The following ADAM23 variants were observed in gnomAD, a reference collection of about 807,000 sequenced individuals.
ADAM23 encodes the protein disintegrin and metalloproteinase domain-containing protein 23.
In ADAM23, 33 loss-of-function variants were observed where a neutral mutation model predicts 120.1. The ratio of observed to expected loss-of-function variants is 0.27; its 90% CI spans 0.21 to 0.37. The LOEUF (loss-of-function observed/expected upper bound fraction) is 0.37, where lower values mean the gene tolerates loss of function less well. Ranked by LOEUF, ADAM23 falls within the 10% of genes least tolerant of loss-of-function variation. ADAM23 has a pLI of 1.00. For missense variants in ADAM23, 862 were observed against 1,058.2 expected (o/e 0.81, Z 2.57); for synonymous variants, 367 against 375.2 (o/e 0.98, Z 0.25).
rs1698488619 is a variant in ADAM23, at chr2:206,594,739, G to A, written c.2081G>A (p.Gly694Asp). ...TATGGGTATCTTTCTTGTTTTAGTG[G>A]TGCCCATGTAGTTTTAGATGATGAT... The part of the protein sequence containing the change: ...YHQGRVIDCS[G>D]AHVVLDDDTD... The change falls in exon 23 of 26, where the codon GGT (glycine) becomes GAT (aspartate). Residue 694 changes from glycine to aspartate, a missense_variant and splice_region_variant. Transcript: ENST00000264377. The A allele has an allele frequency of 6.2e-7, 1 of 1,613,888 alleles. No homozygotes were observed. Among genetic ancestry groups the A allele is most frequent in the Non-Finnish European group, 8.5e-7 (1 of 1,179,920 alleles).
intron 2 of ADAM23, among the ~76,000 whole-genome samples, chr2:206,463,981 A>C (rs558773840): frequency 2.6e-5 from 4 of 152,370 alleles, no homozygotes; most frequent in East Asian, 3.9e-4. Context: ...TGGGAGAAAG[A>C]AAGCAATATT....
At chr2:206,513,782 G>A (rs1157699316) in intron 3 of ADAM23, among the ~76,000 whole-genome samples, 1 of 152,166 alleles carries the variant, frequency 6.6e-6, no homozygotes, top group African/African-American at 2.4e-5. Flanking sequence ...ACTCTTGTTT[G>A]GTGATAATGC....
chr2:206,490,198 C>T (rs947228223), intron 3 of ADAM23, among the ~76,000 whole-genome samples: 3 of 152,166 alleles, frequency 2.0e-5, no homozygotes, highest in Admixed American at 1.3e-4. Context: ...GTCTGCAAGC[C>T]AAGGAGAGAG....
chr2:206,479,840 T>C (rs1695858979), intron 2 of ADAM23, among the ~76,000 whole-genome samples: 1 of 152,222 alleles, frequency 6.6e-6, no homozygotes, highest in Non-Finnish European at 1.5e-5. Context: ...ATTTAAAATT[T>C]AATATTTGTT....
intron 4 of ADAM23, among the ~76,000 whole-genome samples, chr2:206,531,609 A>G (rs1697064045): frequency 6.6e-6 from 1 of 152,176 alleles, no homozygotes; most frequent in Non-Finnish European, 1.5e-5. Context: ...GATGATTTGT[A>G]TGTAAGAAAC....
intron 3 of ADAM23, among the ~76,000 whole-genome samples, chr2:206,507,500 C>G (rs1351299922): frequency 6.6e-6 from 1 of 152,096 alleles, no homozygotes; most frequent in Non-Finnish European, 1.5e-5. Context: ...TTTTTTGAGG[C>G]CTTCCCAGAA....
chr2:206,501,609 A>G (rs1696388726), intron 3 of ADAM23, among the ~76,000 whole-genome samples: 1 of 143,334 alleles, frequency 7.0e-6, no homozygotes, highest in Admixed American at 6.7e-5. Flanking sequence ...GAAAAATACT[A>G]TATTTTAAGC....
At chr2:206,446,981 C>G (rs1483568453) in intron 2 of ADAM23, among the ~76,000 whole-genome samples, 1 of 152,190 alleles carries the variant, frequency 6.6e-6, no homozygotes, top group Non-Finnish European at 1.5e-5. Context: ...AGTTCTCAAA[C>G]TCCAGCACCT....
chr2:206,595,476 G>A (rs1322169359), intron 23 of ADAM23, among the ~76,000 whole-genome samples: 7 of 151,738 alleles, frequency 4.6e-5, no homozygotes, highest in Non-Finnish European at 1.5e-5. Flanking sequence ...AGGACTAGGG[G>A]TGTGGGGGTG....
At chr2:206,478,689 C>G (rs1695834419) in intron 2 of ADAM23, among the ~76,000 whole-genome samples, 1 of 152,202 alleles carries the variant, frequency 6.6e-6, no homozygotes. Flanking sequence ...CCCACCTTTT[C>G]AGATTCATTG....
intron 4 of ADAM23, among the ~76,000 whole-genome samples, chr2:206,538,037 A>C (rs192595764): frequency 3.0e-4 from 46 of 152,316 alleles, no homozygotes; most frequent in Middle Eastern, 3.4e-3. Context: ...TGCCCCAAGA[A>C]ATCAAGATAG....
chr2:206,445,726 T>C (rs1695070790), intron 2 of ADAM23, among the ~76,000 whole-genome samples: 1 of 152,228 alleles, frequency 6.6e-6, no homozygotes, highest in South Asian at 2.1e-4. Flanking sequence ...CTGACTAAAC[T>C]GGAACTAGAA....
At chr2:206,492,006 T>G (rs548931249) in intron 3 of ADAM23, among the ~76,000 whole-genome samples, 1 of 152,216 alleles carries the variant, frequency 6.6e-6, no homozygotes, top group Non-Finnish European at 1.5e-5. Context: ...CACAAATGTT[T>G]ATTGAGTGCC....
intron 3 of ADAM23, among the ~76,000 whole-genome samples, chr2:206,509,343 T>A (rs907829328): frequency 1.3e-5 from 2 of 152,246 alleles, no homozygotes; most frequent in Non-Finnish European, 2.9e-5. Context: ...TGTACACATA[T>A]GAGATTATTC....
chr2:206,473,829 G>A (rs962466812), intron 2 of ADAM23, among the ~76,000 whole-genome samples: 2 of 151,380 alleles, frequency 1.3e-5, no homozygotes, highest in African/African-American at 4.9e-5. Flanking sequence ...ACAGCATGGT[G>A]CGACCCCATC....
intron 21 of ADAM23, among the ~76,000 whole-genome samples, chr2:206,589,918 C>T (rs16838369): frequency 0.062 from 9,366 of 152,098 alleles, 513 homozygotes; most frequent in East Asian, 0.17. Context: ...TTGCGACCAA[C>T]GTGAAATCTT....
chr2:206,552,034 A>G (rs1350185733), intron 9 of ADAM23, among the ~76,000 whole-genome samples: 2 of 152,110 alleles, frequency 1.3e-5, no homozygotes, highest in Non-Finnish European at 2.9e-5. Flanking sequence ...TAGTTTTTTT[A>G]TCTGAATTAT....
chr2:206,448,713 A>G (rs1207145), intron 2 of ADAM23, among the ~76,000 whole-genome samples: 8,861 of 152,234 alleles, frequency 0.058, 628 homozygotes, highest in African/African-American at 0.17. Context: ...TAAACACCCA[A>G]AAGACTGGGT....
At chr2:206,548,925 A>G (rs909431984) in intron 8 of ADAM23, among the ~76,000 whole-genome samples, 9 of 152,186 alleles carry the variant, frequency 5.9e-5, no homozygotes, top group Admixed American at 4.6e-4. Flanking sequence ...AACTACTGTT[A>G]TATACTTCAC....
Sources: gnomAD v4.1 joint callset for allele counts (sites outside exome capture counted in the v4.1 genomes callset) on GRCh38, gnomAD v4.1.1 for gene constraint, MANE v1.5 for transcripts, NCBI Gene and HGNC (gene_info 2026-07-23, HGNC 2026-07-21) for gene names.